The following PAH variants were observed in gnomAD, a reference collection of about 807,000 sequenced individuals.
PAH encodes phenylalanine hydroxylase, also known as phenylalanine-4-hydroxylase.
A neutral mutation model predicts 62.0 loss-of-function variants in PAH; 64 were observed. The observed-to-expected ratio is 1.03, with a 90% CI of 0.84 to 1.27. PAH has a LOEUF of 1.27. PAH is among the 50% of genes most tolerant of loss of function. PAH has a pLI of 0.00. For synonymous variants in PAH, 195 were observed against 196.2 expected, an observed-to-expected ratio of 0.99 and a Z score of 0.05; for missense variants, 579 against 542.8, an observed-to-expected ratio of 1.07 and a Z score of -0.66.
At chr12:102,896,907 C>T (rs1877528423) in intron 2 of PAH, among the ~76,000 whole-genome samples, 1 of 152,154 alleles carries the variant, frequency 6.6e-6, no homozygotes, top group South Asian at 2.1e-4. Flanking sequence ...TTTACATTAG[C>T]CATTCGTACC....
At chr12:102,918,158 G>A (rs1255155654), upstream of PAH, among the ~76,000 whole-genome samples, 2 of 152,066 alleles carry the variant, frequency 1.3e-5, no homozygotes, top group Non-Finnish European at 2.9e-5. Context: ...TGAGCTGGTG[G>A]GATTTGGCCA....
chr12:102,855,300 T>C lies in PAH; in HGVS notation c.542A>G (p.Glu181Gly). Residue 181 changes from glutamate to glycine, a missense_variant, in exon 6 of 13, where the codon GAG becomes GGG. Coordinates refer to ENST00000553106, the MANE Select transcript of PAH (RefSeq NM_000277.3). ...GQPIPRVEYM[E>G]EEKKTWGTVF... ...TGTGCCCCATGTTTTCTTTTCTTCC[T>C]CCATGTATTCCACTCGAGGGATGGG... The C allele has an allele frequency of 6.2e-7, 1 of 1,614,126 alleles. No homozygotes were observed. The highest frequency in any genetic ancestry group is 8.5e-7 in the Non-Finnish European group (1 of 1,180,014).
intron 1 of PAH, chr12:102,958,165 C>T (rs2136784746): frequency 2.6e-6 from 3 of 1,140,666 alleles, no homozygotes; most frequent in East Asian, 6.4e-5. Flanking sequence ...CACCCAAGTT[C>T]TCTCTGTGTC....
chr12:102,939,006 G>A (rs1218553910), intron 1 of PAH, among the ~76,000 whole-genome samples: 1 of 152,022 alleles, frequency 6.6e-6, no homozygotes, highest in African/African-American at 2.4e-5. Context: ...CTTGGGTTGG[G>A]GAACGCACAA....
intron 1 of PAH, among the ~76,000 whole-genome samples, chr12:102,927,268 A>AT (rs1411904718): frequency 6.7e-6 from 1 of 149,472 alleles, no homozygotes; most frequent in East Asian, 1.9e-4. Flanking sequence ...CATACACTAC[A>AT]TCTTCAAAAA....
At chr12:102,947,824 T>C (rs1424293485) in intron 1 of PAH, among the ~76,000 whole-genome samples, 2 of 152,236 alleles carry the variant, frequency 1.3e-5, no homozygotes, top group South Asian at 2.1e-4. Context: ...CGTGTGGTTA[T>C]GGAGGCTGAG....
chr12:102,879,056 A>T (rs937503065), intron 3 of PAH, among the ~76,000 whole-genome samples: 1 of 152,136 alleles, frequency 6.6e-6, no homozygotes, highest in East Asian at 1.9e-4. Flanking sequence ...TCCAATCAGC[A>T]TGCGGTCTGG....
chr12:102,924,465 A>G (rs1031682670), intron 1 of PAH, among the ~76,000 whole-genome samples: 20 of 151,976 alleles, frequency 1.3e-4, no homozygotes, highest in Non-Finnish European at 2.4e-4. Context: ...TGGCATTTCT[A>G]TATATCTTGG....
intron 1 of PAH, among the ~76,000 whole-genome samples, chr12:102,926,268 A>G (rs1565877852): frequency 6.6e-6 from 1 of 152,174 alleles, no homozygotes; most frequent in Non-Finnish European, 1.5e-5. Flanking sequence ...CAACAAGGTA[A>G]TGTTTGAGCT....
chr12:102,892,412 AC>A (rs1248121389), intron 3 of PAH, among the ~76,000 whole-genome samples: 36 of 152,308 alleles, frequency 2.4e-4, no homozygotes, highest in African/African-American at 8.4e-4. Context: ...AAAGAAGTTA[AC>A]CTCAGCAATC....
At chr12:102,927,089 G>A (rs138731613) in intron 1 of PAH, among the ~76,000 whole-genome samples, 2 of 152,178 alleles carry the variant, frequency 1.3e-5, no homozygotes, top group African/African-American at 4.8e-5. Flanking sequence ...ATTAGGAATA[G>A]AAGACACTTA....
chr12:102,838,554 G>C lies in PAH; in HGVS notation c.*621C>G, dbSNP rs1247244345. 6.6e-6 allele frequency: 1 copy of C among 152,120 alleles called. No individual in the cohort carries two copies. The highest frequency in any genetic ancestry group is 1.5e-5 in the Non-Finnish European group (1 of 68,040). 9.4% of individuals were successfully genotyped at this position (152,120 alleles called of 1,614,324 possible). A position where few individuals can be genotyped will look rare whatever the true frequency, so the allele number is the denominator to read the frequency against. ...GGAAGTTATGGGGATTAGGTGCAGA[G>C]TTTTATTACCTTATACAGCAGTATT... On this transcript the variant is annotated 3_prime_UTR_variant, in exon 13 of 13. Transcript: ENST00000553106.
At chr12:102,880,968 T>G (rs1619404) in intron 3 of PAH, among the ~76,000 whole-genome samples, 1 of 149,978 alleles carries the variant, frequency 6.7e-6, no homozygotes, top group Admixed American at 6.7e-5. Flanking sequence ...TAATTTATAT[T>G]TACATAATTA....
chr12:102,937,633 AGTT>A (rs1243774114), intron 1 of PAH, among the ~76,000 whole-genome samples: 4 of 152,148 alleles, frequency 2.6e-5, no homozygotes, highest in Non-Finnish European at 5.9e-5. Flanking sequence ...TGTATTGACA[AGTT>A]GTTGTTGTAG....
rs869088873 is a variant in PAH at position 102,882,642 on chromosome 12, C to CTATATATATA, written c.353-5102_353-5093dup. Among the ~76,000 whole-genome samples the CTATATATATA allele has an allele frequency of 2.7e-4, 23 of 85,850 alleles. No homozygotes were observed. In the East Asian group the frequency reaches 6.0e-3, roughly 22 times the overall value. The allele number at this position is 85,850 out of a possible 152,430, so 56.3% of individuals were successfully genotyped here. ...CTGTATATATATGCATATATATACA[C>CTATATATATA]TATATATATATATATATATATATAT... is the stretch of plus-strand genomic sequence containing the variant. On this transcript the variant is annotated intron_variant, in intron 3 of 12. Coordinates refer to ENST00000553106, the MANE Select transcript of PAH (RefSeq NM_000277.3).
At chr12:102,918,333 G>A (rs552659485), upstream of PAH, among the ~76,000 whole-genome samples, 1 of 152,274 alleles carries the variant, frequency 6.6e-6, no homozygotes, top group South Asian at 2.1e-4. Context: ...AGCCTTGAGT[G>A]CCTGCTTAAT....
At chr12:102,862,935 G>C (rs1169608221) in intron 5 of PAH, among the ~76,000 whole-genome samples, 3 of 140,826 alleles carry the variant, frequency 2.1e-5, no homozygotes, top group Admixed American at 7.1e-5. Flanking sequence ...GTGGTAGCCA[G>C]CAATGATGGT....
rs530053473 is a variant in PAH, at chr12:102,902,483, G to T, written c.169-7565C>A. 7.9e-5 allele frequency among the ~76,000 whole-genome samples: 12 copies of T among 152,288 alleles called. No homozygotes were observed. The South Asian group carries it at 2.5e-3, about 32-fold the overall frequency. On this transcript the variant is annotated intron_variant, in intron 2 of 12. Transcript: ENST00000553106. ...TGGGACAAGACAGGAACTGTCTGGG[G>T]CAACAACAGTATTTGGGGTGAGATA...
At chr12:102,852,712 A>T (rs1403127960) in intron 7 of PAH, 103 bp downstream of exon 7, 4 of 1,390,286 alleles carry the variant, frequency 2.9e-6, no homozygotes, top group Non-Finnish European at 4.1e-6. Flanking sequence ...CTAGACAACT[A>T]GTCCTGTGGA....
Sources: allele counts gnomAD v4.1 joint callset (sites outside exome capture counted in the v4.1 genomes callset), GRCh38; gene constraint gnomAD v4.1.1; transcripts MANE v1.5; gene names NCBI Gene and HGNC (gene_info 2026-07-23, HGNC 2026-07-21).